PCDHGB2: variants seen among roughly 807,000 people sequenced by gnomAD.
PCDHGB2 encodes the protein protocadherin gamma-B2.
A neutral mutation model predicts 59.3 loss-of-function variants in PCDHGB2; 55 were observed. The ratio of observed to expected loss-of-function variants is 0.93; its 90% CI spans 0.75 to 1.16. The LOEUF (loss-of-function observed/expected upper bound fraction) is 1.16, where lower values mean the gene tolerates loss of function less well. PCDHGB2 is among the 50% of genes most tolerant of loss of function. PCDHGB2 has a pLI of 0.00. For missense variants in PCDHGB2, 1,228 were observed against 1,198.5 expected, an observed-to-expected ratio of 1.02 and a Z score of -0.36; for synonymous variants, 516 against 512.0, an observed-to-expected ratio of 1.01 and a Z score of -0.11.
chr5:141,422,066 A>G, intron 1 of PCDHGB2: 1 of 1,612,154 alleles, frequency 6.2e-7, no homozygotes. Context: ...GAAGTAATGT[A>G]TTCATTTCGG....
Position 141,372,054 on chromosome 5 carries a change from G to T in PCDHGB2, c.2421+9498G>T, listed in dbSNP as rs377450479. On this transcript the variant is annotated intron_variant, in intron 1 of 3. Transcript: ENST00000522605. ...CGTGAGCCTGCGCGTGTTGGTGGAC[G>T]ACCGCAACGACAATGCACCGCTGGT... The T allele has an allele frequency of 7.4e-6, 12 of 1,613,396 alleles. No individual in the cohort carries two copies. In the African/African-American group the frequency reaches 8.0e-5, roughly 11 times the overall value.
At chr5:141,398,396 T>A (rs1191920974) in intron 1 of PCDHGB2, 1 of 1,465,660 alleles carries the variant, frequency 6.8e-7, no homozygotes, top group South Asian at 1.2e-5. Flanking sequence ...AGCAGCAGGC[T>A]AGACAGGGAG....
At position 141,490,027 on chromosome 5, in the gene PCDHGB2, C is replaced by T. The variant is rs767829552; in HGVS notation, c.2422-4780C>T. Reference sequence around the variant, plus strand: ...TGCACCCATTGGTACTCTGCTGCTCCGCCTCAATGCCACTGATCCAGACGA... The same window carrying T: ...TGCACCCATTGGTACTCTGCTGCTCTGCCTCAATGCCACTGATCCAGACGA... On this transcript the variant is annotated intron_variant, in intron 1 of 3. Coordinates refer to ENST00000522605, the MANE Select transcript of PCDHGB2 (RefSeq NM_018923.3). This position sits in a 1 kb window ranked among gnomAD's most constrained non-coding sequence, Gnocchi z 5.4. The T allele has an allele frequency of 2.4e-5, 39 of 1,614,096 alleles. No homozygotes were observed. The highest frequency in any genetic ancestry group is 4.0e-5 in the African/African-American group (3 of 74,942).
At chr5:141,410,177 A>G in intron 1 of PCDHGB2, 1 of 1,613,626 alleles carries the variant, frequency 6.2e-7, no homozygotes, top group Non-Finnish European at 8.5e-7. Context: ...TGCCACCGCC[A>G]CGCTTCATCT....
At chr5:141,482,371 T>C (rs1191880709) in intron 1 of PCDHGB2, among the ~76,000 whole-genome samples, 2 of 152,100 alleles carry the variant, frequency 1.3e-5, no homozygotes, top group African/African-American at 2.4e-5. Flanking sequence ...AAGTAATGCA[T>C]ATAAAGTCCC....
intron 1 of PCDHGB2, among the ~76,000 whole-genome samples, chr5:141,474,747 A>AGACAAATAT (rs1447050692): frequency 6.6e-6 from 1 of 152,264 alleles, no homozygotes; most frequent in African/African-American, 2.4e-5. Context: ...GTGATGTCCA[A>AGACAAATAT]GACAAATATA....
At chr5:141,373,416 G>A (rs1162363989) in intron 1 of PCDHGB2, among the ~76,000 whole-genome samples, 3 of 152,182 alleles carry the variant, frequency 2.0e-5, no homozygotes, top group Non-Finnish European at 4.4e-5. Context: ...CCAGCTACTC[G>A]GGAGGCTGAG....
At position 141,432,881 on chromosome 5, in the gene PCDHGB2, G is replaced by A; in HGVS notation, c.2422-61926G>A. On this transcript the variant is annotated intron_variant, in intron 1 of 3. Coordinates refer to ENST00000522605, the MANE Select transcript of PCDHGB2 (RefSeq NM_018923.3). This position sits in a 1 kb window ranked among gnomAD's most constrained non-coding sequence, Gnocchi z 6.0. ...GGTCTCCTGCGTCTTCCTGGCCTTC[G>A]TCATCTTGCTGCTGGCGCTCAGGCT... 6.2e-7 allele frequency: 1 copy of A among 1,614,170 alleles called. No homozygotes were observed. The highest frequency in any genetic ancestry group is 1.1e-5 in the South Asian group (1 of 91,088).
At chr5:141,362,777 T>C in intron 1 of PCDHGB2, 1 of 604,080 alleles carries the variant, frequency 1.7e-6, no homozygotes, top group Non-Finnish European at 2.8e-6. Flanking sequence ...TATTGCACTG[T>C]ATTTCTTTTT....
At chr5:141,442,694 C>A (rs549307212) in intron 1 of PCDHGB2, among the ~76,000 whole-genome samples, 22 of 152,304 alleles carry the variant, frequency 1.4e-4, no homozygotes, top group Non-Finnish European at 3.1e-4. Flanking sequence ...GTCAGGCAGA[C>A]AAGAGTATCA....
chr5:141,505,742 G>A (rs1024914690), intron 3 of PCDHGB2, among the ~76,000 whole-genome samples: 1 of 152,150 alleles, frequency 6.6e-6, no homozygotes, highest in Non-Finnish European at 1.5e-5. Flanking sequence ...TACAAGTCTA[G>A]CTCTGGAATG....
intron 1 of PCDHGB2, chr5:141,366,800 C>G (rs1243230147): frequency 1.3e-6 from 2 of 1,565,118 alleles, no homozygotes; most frequent in African/African-American, 2.7e-5. Flanking sequence ...TCATTTGTTT[C>G]CTTTTTCATG....
chr5:141,456,641 G>A (rs2098873674), intron 1 of PCDHGB2, among the ~76,000 whole-genome samples: 1 of 152,160 alleles, frequency 6.6e-6, no homozygotes, highest in South Asian at 2.1e-4. Context: ...TACTACAGGT[G>A]TTAATCCCAA....
chr5:141,389,223 G>T, intron 1 of PCDHGB2: 3 of 1,613,994 alleles, frequency 1.9e-6, no homozygotes, highest in East Asian at 2.2e-5. Flanking sequence ...AAATGACAAC[G>T]CTCCGGTTTT....
rs757588144 is a variant in PCDHGB2 at position 141,361,653 on chromosome 5, C to T, written c.1518C>T (p.Ser506=). 10 of 1,613,652 alleles carry T rather than the reference C, an allele frequency of 6.2e-6. No individual in the cohort carries two copies. The South Asian group carries it at 8.8e-5, about 14-fold the overall frequency. Residue 506 remains serine, a synonymous_variant, in exon 1 of 4, where the codon TCC becomes TCT. Transcript: ENST00000522605. ...LKPREILSYV[S]VSAQSGVVFA... ...CGCGGGAGATTTTATCCTACGTGTC[C>T]GTGAGCGCGCAGAGCGGGGTGGTGT...
intron 1 of PCDHGB2, chr5:141,388,233 T>C (rs924261107): frequency 1.2e-6 from 2 of 1,608,114 alleles, no homozygotes; most frequent in South Asian, 1.1e-5. Flanking sequence ...ACTGAACTTT[T>C]ATCACGTGAA....
intron 1 of PCDHGB2, chr5:141,371,237 C>A (rs957754662): frequency 5.0e-6 from 8 of 1,614,002 alleles, no homozygotes; most frequent in Non-Finnish European, 5.1e-6. Context: ...TCTATGCCTT[C>A]ATCAATATTG....
At chr5:141,405,179 G>A (rs2094620573) in intron 1 of PCDHGB2, 1 of 1,614,028 alleles carries the variant, frequency 6.2e-7, no homozygotes, top group South Asian at 1.1e-5. Context: ...CTTTGTGGGT[G>A]TAGATGGGGT....
rs369206085 is a variant in PCDHGB2 at position 141,490,515 on chromosome 5, G to A, written c.2422-4292G>A. On this transcript the variant is annotated intron_variant, in intron 1 of 3. Transcript: ENST00000522605. The surrounding 1 kb of genome is among the most constrained non-coding windows in gnomAD (Gnocchi z 5.4). ...CATCCCACTATATCATCGAGCTGCT[G>A]GCCAGCGATGCTGGTTCACCTTCCC... The A allele has an allele frequency of 2.3e-5, 37 of 1,613,840 alleles. No individual in the cohort carries two copies. In the Middle Eastern group the frequency reaches 1.2e-3, roughly 50 times the overall value.
Sources: gnomAD v4.1 joint callset for allele counts (sites outside exome capture counted in the v4.1 genomes callset) on GRCh38, gnomAD v4.1.1 for gene constraint, Gnocchi (gnomAD v3.1) non-coding constraint, MANE v1.5 for transcripts, NCBI Gene and HGNC (gene_info 2026-07-23, HGNC 2026-07-21) for gene names.